The following ZC3H13 variants were observed in gnomAD, a reference collection of about 807,000 sequenced individuals.
ZC3H13 encodes the protein zinc finger CCCH domain-containing protein 13.
ZC3H13 carries 64 observed loss-of-function variants against 204.1 expected under a neutral mutation model. That is an observed-to-expected ratio of 0.31 (90% CI 0.26 to 0.39). The LOEUF (loss-of-function observed/expected upper bound fraction) is 0.39, where lower values mean the gene tolerates loss of function less well. Among genes scored for constraint, ZC3H13 ranks in the 10% least tolerant of loss-of-function variants. The probability of loss-of-function intolerance (pLI) is 1.00; values close to 1 mark genes in which losing one functional copy is unlikely to be tolerated. For synonymous variants in ZC3H13, 667 were observed against 693.7 expected (o/e 0.96, Z 0.60); for missense variants, 1,833 against 2,082.7 (o/e 0.88, Z 2.33).
At chr13:46,052,214 G>A (rs976621656) in intron 1 of ZC3H13, among the ~76,000 whole-genome samples, 190 bp downstream of exon 1, 1 of 151,630 alleles carries the variant, frequency 6.6e-6, no homozygotes, top group Non-Finnish European at 1.5e-5. Context: ...ACAAATGCCA[G>A]AATCATAATC....
intron 1 of ZC3H13, among the ~76,000 whole-genome samples, chr13:46,050,137 G>T (rs868254634): frequency 6.8e-4 from 103 of 151,964 alleles, no homozygotes; most frequent in African/African-American, 2.4e-3. Context: ...AATGGAAAAA[G>T]AAAAAGAAAA....
intron 5 of ZC3H13, among the ~76,000 whole-genome samples, chr13:46,018,321 T>G (rs995076744): frequency 6.6e-6 from 1 of 152,110 alleles, no homozygotes; most frequent in African/African-American, 2.4e-5. Flanking sequence ...GGTGAAACAG[T>G]ATCAAGTAGA....
At chr13:45,972,390 T>G (rs1023227609) in intron 12 of ZC3H13, among the ~76,000 whole-genome samples, 1 of 152,072 alleles carries the variant, frequency 6.6e-6, no homozygotes, top group East Asian at 1.9e-4. Flanking sequence ...AGAGCTAAGC[T>G]ATGAGTATGC....
At position 45,970,456 on chromosome 13, in the gene ZC3H13, A is replaced by G. The variant is rs560350855; in HGVS notation, c.2478T>C (p.Tyr826=). 1.2e-6 allele frequency: 2 copies of G among 1,612,484 alleles called. No homozygotes were observed. The highest frequency in any genetic ancestry group is 1.3e-5 in the African/African-American group (1 of 74,932). ...TAGGGCTGGGACTCCCTTCATTTCT[A>G]TAGCGCTTCCTAAATTGGACAAGCA... The part of the protein sequence containing the change: ...GHDERKSKKR[Y]RNEGSPSPRQ... Residue 826 remains tyrosine, a synonymous_variant, in exon 13 of 19, where the codon TAT becomes TAC. Transcript: ENST00000679008.
At chr13:46,022,499 A>G (rs1257941432) in intron 4 of ZC3H13, among the ~76,000 whole-genome samples, 1 of 151,892 alleles carries the variant, frequency 6.6e-6, no homozygotes, top group Non-Finnish European at 1.5e-5. Context: ...TACTCGTCCA[A>G]TGTAGTGTAG....
chr13:45,999,617 A>G (rs1208940258), intron 8 of ZC3H13, among the ~76,000 whole-genome samples: 3 of 152,226 alleles, frequency 2.0e-5, no homozygotes, highest in Non-Finnish European at 4.4e-5. Context: ...TAAAGTCTTG[A>G]ACTTCTCTAA....
At chr13:45,979,676 T>C in intron 11 of ZC3H13, 137 bp downstream of exon 11, 1 of 829,660 alleles carries the variant, frequency 1.2e-6, no homozygotes, top group Non-Finnish European at 1.8e-6. Flanking sequence ...TATGAGTATA[T>C]ATAATAGTTT....
At chr13:45,973,345 T>C (rs1400163917) in intron 12 of ZC3H13, among the ~76,000 whole-genome samples, 1 of 152,218 alleles carries the variant, frequency 6.6e-6, no homozygotes, top group African/African-American at 2.4e-5. Context: ...AAGATTAAGA[T>C]ATTAATCTCA....
intron 8 of ZC3H13, chr13:46,001,186 G>C (rs1296819915): frequency 6.6e-6 from 1 of 152,158 alleles, no homozygotes; most frequent in Non-Finnish European, 1.5e-5. Flanking sequence ...GGCACTGATA[G>C]GCTTGTTTAA....
Position 45,985,587 on chromosome 13 carries a change from C to A in ZC3H13, c.1430G>T (p.Arg477Leu), listed in dbSNP as rs749238959. The A allele has an allele frequency of 1.2e-6, 2 of 1,614,002 alleles. No individual in the cohort carries two copies. Among genetic ancestry groups the A allele is most frequent in the Admixed American group, 3.3e-5 (2 of 59,994 alleles). ...ATAATCTCTCATCTCCCTTGAGTCCCGCATGTCTCTGGAGTCTCTTAGTTC... is the reference window on the plus strand; with the variant it reads ...ATAATCTCTCATCTCCCTTGAGTCCAGCATGTCTCTGGAGTCTCTTAGTTC... ...RRELRDSRDM[R>L]DSREMRDYSR... The change falls in exon 10 of 19, where the codon CGG becomes CTG. Residue 477 changes from arginine (R) to leucine (L), a missense_variant. Transcript: ENST00000679008.
intron 4 of ZC3H13, among the ~76,000 whole-genome samples, chr13:46,028,468 T>A (rs1447663580): frequency 1.3e-5 from 2 of 152,218 alleles, no homozygotes. Context: ...AAAATTGATA[T>A]AATTGATTAT....
At position 45,956,889 on chromosome 13, in the gene ZC3H13, A is replaced by C. The variant is rs141571683; in HGVS notation, c.*238T>G. Reference sequence around the variant, plus strand: ...AACAAAAGGCGCAGAATAAACTACTAAATCTAGATGTTTTCACATTATTTT... The same window carrying C: ...AACAAAAGGCGCAGAATAAACTACTCAATCTAGATGTTTTCACATTATTTT... On this transcript the variant is annotated 3_prime_UTR_variant, in exon 19 of 19. Coordinates refer to ENST00000679008, the MANE Select transcript of ZC3H13 (RefSeq NM_001330564.2). The C allele has an allele frequency of 1.2e-4, 35 of 300,188 alleles. No individual in the cohort carries two copies. The highest frequency in any genetic ancestry group is 5.6e-4 in the African/African-American group (26 of 46,436). 18.6% of individuals were successfully genotyped at this position (300,188 alleles called of 1,614,324 possible).
Position 46,046,646 on chromosome 13 carries a change from C to A in ZC3H13, c.-9-1130G>T, listed in dbSNP as rs140881432. Among the ~76,000 whole-genome samples, 106 of 145,168 alleles carry A rather than the reference C, an allele frequency of 7.3e-4. 2 individuals are homozygous for A. The East Asian group carries it at 0.021, about 29-fold the overall frequency. On this transcript the variant is annotated intron_variant, in intron 1 of 18. Coordinates refer to ENST00000679008, the MANE Select transcript of ZC3H13 (RefSeq NM_001330564.2). Reference sequence around the variant, plus strand: ...TCACACCACCGCACTCCAGCCTGGGCGACAAAGCGAGACTCCATCTCAAAA... The same window carrying A: ...TCACACCACCGCACTCCAGCCTGGGAGACAAAGCGAGACTCCATCTCAAAA...
At chr13:46,029,466 T>G in intron 4 of ZC3H13, among the ~76,000 whole-genome samples, 1 of 147,982 alleles carries the variant, frequency 6.8e-6, no homozygotes, top group Non-Finnish European at 1.5e-5. Context: ...TCTCGCTCTG[T>G]CGCCCAGGCT....
chr13:46,043,020 T>C (rs767069073), intron 3 of ZC3H13, among the ~76,000 whole-genome samples: 1 of 151,938 alleles, frequency 6.6e-6, no homozygotes, highest in African/African-American at 2.4e-5. Context: ...TTTGACAGTA[T>C]ATGGCTATGC....
chr13:45,982,024 T>A (rs1953677083), intron 10 of ZC3H13, among the ~76,000 whole-genome samples: 1 of 147,400 alleles, frequency 6.8e-6, no homozygotes, highest in Non-Finnish European at 1.5e-5. Flanking sequence ...ATAATAATAA[T>A]AAAATAATAA....
At chr13:45,972,288 T>C (rs1181780158) in intron 12 of ZC3H13, among the ~76,000 whole-genome samples, 1 of 151,900 alleles carries the variant, frequency 6.6e-6, no homozygotes, top group African/African-American at 2.4e-5. Flanking sequence ...GAAAATGTGG[T>C]ATATATACAC....
At chr13:45,988,056 TC>T (rs1404909041) in intron 9 of ZC3H13, among the ~76,000 whole-genome samples, 1 of 151,912 alleles carries the variant, frequency 6.6e-6, no homozygotes, top group Non-Finnish European at 1.5e-5. Context: ...TTCTAACAAT[TC>T]CCCCCAGCCC....
chr13:45,985,498 A>G lies in ZC3H13; in HGVS notation c.1519T>C (p.Tyr507His). Residue 507 changes from tyrosine (Y) to histidine (H), a missense_variant, in exon 10 of 19, where the codon TAC becomes CAC. Tyr to His is a moderately conservative substitution (Grantham distance 83). Coordinates refer to ENST00000679008, the MANE Select transcript of ZC3H13 (RefSeq NM_001330564.2). ...GTATCTCGACCTTCACGGTCCCTGTAGTCATGGGCATCACGAGTGGACCGA... is the reference window on the plus strand; with the variant it reads ...GTATCTCGACCTTCACGGTCCCTGTGGTCATGGGCATCACGAGTGGACCGA... Reference protein sequence around the residue: ...DSRSTRDAHDYRDREGRDTHR... With the variant: ...DSRSTRDAHDHRDREGRDTHR... 1 of 1,614,140 alleles carries G rather than the reference A, an allele frequency of 6.2e-7. No homozygotes were observed. Among genetic ancestry groups the G allele is most frequent in the Non-Finnish European group, 8.5e-7 (1 of 1,180,028 alleles).
Sources: gnomAD v4.1 joint callset for allele counts (sites outside exome capture counted in the v4.1 genomes callset) on GRCh38, gnomAD v4.1.1 for gene constraint, MANE v1.5 for transcripts, NCBI Gene and HGNC (gene_info 2026-07-23, HGNC 2026-07-21) for gene names.